RYR3: variants seen among roughly 807,000 people sequenced by gnomAD.
RYR3 encodes the protein brain ryanodine receptor-calcium release channel.
Under a neutral mutation model 584.3 loss-of-function variants are expected in RYR3, and 207 were observed. That is an observed-to-expected ratio of 0.35 (90% CI 0.32 to 0.40). The LOEUF (loss-of-function observed/expected upper bound fraction) is 0.40. Ranked by LOEUF, RYR3 falls within the 10% of genes least tolerant of loss-of-function variation. The pLI, the probability that RYR3 is intolerant of heterozygous loss-of-function variation, is 1.00. For synonymous variants in RYR3, 2,416 were observed against 2,248.5 expected, an observed-to-expected ratio of 1.07 and a Z score of -2.11; for missense variants, 5,616 against 6,089.2, an observed-to-expected ratio of 0.92 and a Z score of 2.59.
intron 10 of RYR3, among the ~76,000 whole-genome samples, chr15:33,552,394 G>T (rs538020513): frequency 6.6e-6 from 1 of 152,048 alleles, no homozygotes; most frequent in Non-Finnish European, 1.5e-5. Flanking sequence ...CCATTTCCAC[G>T]TATGGAGAAG....
At chr15:33,810,753 A>T in intron 71 of RYR3, 104 bp downstream of exon 71, 1 of 1,421,060 alleles carries the variant, frequency 7.0e-7, no homozygotes, top group Non-Finnish European at 9.7e-7. Context: ...GGCGGGGAGC[A>T]GATGCGCAGA....
At position 33,748,521 on chromosome 15, in the gene RYR3, A is replaced by G; in HGVS notation, c.8190A>G (p.Arg2730=). 6.2e-7 allele frequency: 1 copy of G among 1,612,730 alleles called. No individual in the cohort carries two copies. Among genetic ancestry groups the G allele is most frequent in the Non-Finnish European group, 8.5e-7 (1 of 1,179,428 alleles). ...ACCTCTCAAACGTTGTGCTCTCCAG[A>G]GAGCTCCAGGTCAGTGCCCCAGGTC... ...PLDLSNVVLS[R]ELQGMVEVVA... Residue 2730 remains arginine (R), a synonymous_variant, in exon 55 of 104, where the codon AGA becomes AGG. Coordinates refer to ENST00000634891, the MANE Select transcript of RYR3 (RefSeq NM_001036.6).
chr15:33,435,213 C>T (rs948597015), intron 1 of RYR3, among the ~76,000 whole-genome samples: 7 of 152,126 alleles, frequency 4.6e-5, no homozygotes, highest in Admixed American at 3.9e-4. Context: ...TTTCATCACC[C>T]AGGTATTAAG....
In RYR3 at chr15:33,821,331, C is replaced by T; in HGVS notation, c.10877C>T (p.Ala3626Val). The change falls in exon 79 of 104, where the codon GCT (alanine) becomes GTT (valine). Residue 3626 changes from alanine (A) to valine (V), a missense_variant. Transcript: ENST00000634891. ...YQQARLHERGAAEMVLQMISA... is the reference protein window; with the variant it reads ...YQQARLHERGVAEMVLQMISA... ...CAAGCTCGGCTGCATGAGCGTGGTG[C>T]TGCAGAGATGGTCCTTCAGATGATA... 1 of 1,605,034 alleles carries T rather than the reference C, an allele frequency of 6.2e-7. No homozygotes were observed. Among genetic ancestry groups the T allele is most frequent in the Non-Finnish European group, 8.5e-7 (1 of 1,175,848 alleles).
rs750352215 is a variant in RYR3, at chr15:33,835,066, C to T, written c.11562C>T (p.Leu3854=). ...TCTTTGCTAATATGCAGATGAAACT[C>T]TCTCAGGTACTGTGGCCCATTCCCT... The part of the protein sequence containing the change: ...LHVFANMQMK[L]SQDSSQIELL... The change falls in exon 87 of 104, where the codon CTC becomes CTT. Residue 3854 remains leucine (L), a synonymous_variant. Coordinates refer to ENST00000634891, the MANE Select transcript of RYR3 (RefSeq NM_001036.6). The T allele has an allele frequency of 1.2e-6, 2 of 1,611,246 alleles. No individual in the cohort carries two copies. Among genetic ancestry groups the T allele is most frequent in the Non-Finnish European group, 1.7e-6 (2 of 1,177,780 alleles).
intron 40 of RYR3, among the ~76,000 whole-genome samples, 156 bp downstream of exon 40, chr15:33,698,152 G>A (rs2065994901): frequency 6.6e-6 from 1 of 152,198 alleles, no homozygotes; most frequent in African/African-American, 2.4e-5. Flanking sequence ...CAAGCGATGG[G>A]ATAATGCTGC....
rs1165111382 is a variant in RYR3, at chr15:33,615,236, A to AGATCTGG, written c.2357+1866_2357+1872dup. 1.9e-4 allele frequency among the ~76,000 whole-genome samples: 29 copies of AGATCTGG among 152,290 alleles called. 1 individual carries two copies. In the South Asian group the frequency reaches 5.8e-3, roughly 31 times the overall value. ...GGAGAGTTGTGGGAAGCAGGAGCTG[A>AGATCTGG]GATCTGGGATCACAAAGAAACCATT... On this transcript the variant is annotated intron_variant, in intron 19 of 103. Transcript: ENST00000634891.
chr15:33,538,282 G>A lies in RYR3; in HGVS notation c.434-1068G>A, dbSNP rs78427269. On this transcript the variant is annotated intron_variant, in intron 5 of 103. Coordinates refer to ENST00000634891, the MANE Select transcript of RYR3 (RefSeq NM_001036.6). ...AGAAGCTGGCTGAGGCTTGTTGTCT[G>A]TTAAGCCTCACTTTTAGGTCATCTG... 6.0e-3 allele frequency among the ~76,000 whole-genome samples: 918 copies of A among 152,160 alleles called. 10 individuals are homozygous for A. The highest frequency in any genetic ancestry group is 0.021 in the African/African-American group (889 of 41,496).
chr15:33,669,846 G>GT lies in RYR3; in HGVS notation c.5722+390_5722+391insT. Among the ~76,000 whole-genome samples, 2 of 41,774 alleles carry GT rather than the reference G, an allele frequency of 4.8e-5. 1 individual carries two copies. The allele number at this position is 41,774 out of a possible 152,430, so 27.4% of individuals were successfully genotyped here. ...AGCTATTAGGGGTGTGTGTGTGTGG[G>GT]GGGGGGGGGGGGTGTGGGTGTGTGG... On this transcript the variant is annotated intron_variant, in intron 37 of 103. Coordinates refer to ENST00000634891, the MANE Select transcript of RYR3 (RefSeq NM_001036.6).
chr15:33,863,145 C>T (rs546610532), intron 102 of RYR3, among the ~76,000 whole-genome samples: 16 of 152,218 alleles, frequency 1.1e-4, no homozygotes, highest in Admixed American at 7.2e-4. Context: ...ATCTCTATCC[C>T]CTCTAGGAGC....
At chr15:33,766,292 A>AAAG (rs1446451745) in intron 60 of RYR3, among the ~76,000 whole-genome samples, 5 of 150,344 alleles carry the variant, frequency 3.3e-5, no homozygotes, top group Non-Finnish European at 7.4e-5. Flanking sequence ...CAAAAAGAAA[A>AAAG]AAAAAAAAAG....
chr15:33,693,774 G>A (rs1430841897), intron 38 of RYR3, among the ~76,000 whole-genome samples: 1 of 152,176 alleles, frequency 6.6e-6, no homozygotes, highest in Non-Finnish European at 1.5e-5. Context: ...TAGCAAGAAG[G>A]TCCTGGTGCT....
chr15:33,826,778 A>C, intron 84 of RYR3, 26 bp downstream of exon 84: 1 of 1,468,422 alleles, frequency 6.8e-7, no homozygotes, highest in Non-Finnish European at 9.1e-7. Flanking sequence ...TGATCTGCCA[A>C]GGAAACACAG....
intron 52 of RYR3, among the ~76,000 whole-genome samples, chr15:33,745,599 T>G (rs1332678259): frequency 6.6e-6 from 1 of 152,114 alleles, no homozygotes; most frequent in Non-Finnish European, 1.5e-5. Flanking sequence ...CCCTAAAAGT[T>G]CTTAAACTTC....
At chr15:33,408,671 C>G (rs946250392) in intron 1 of RYR3, among the ~76,000 whole-genome samples, 1 of 152,060 alleles carries the variant, frequency 6.6e-6, no homozygotes, top group Non-Finnish European at 1.5e-5. Context: ...GTTTTTTTGA[C>G]TTTTTAATAA....
chr15:33,402,329 A>AAC (rs2042734795), intron 1 of RYR3, among the ~76,000 whole-genome samples: 1 of 152,232 alleles, frequency 6.6e-6, no homozygotes, highest in Non-Finnish European at 1.5e-5. Flanking sequence ...AGCCATGAAT[A>AAC]ACACAGCTGA....
At chr15:33,504,691 A>G (rs529537496) in intron 3 of RYR3, among the ~76,000 whole-genome samples, 1 of 152,334 alleles carries the variant, frequency 6.6e-6, no homozygotes, top group African/African-American at 2.4e-5. Context: ...GCCCTTTAGG[A>G]GTTGGTGAGC....
At position 33,853,575 on chromosome 15, in the gene RYR3, T is replaced by G. The variant is rs780245333; in HGVS notation, c.13692T>G (p.Asp4564Glu). The G allele has an allele frequency of 1.2e-6, 2 of 1,613,652 alleles. No individual in the cohort carries two copies. The highest frequency in any genetic ancestry group is 1.7e-6 in the Non-Finnish European group (2 of 1,179,784). Residue 4564 changes from aspartate to glutamate, a missense_variant, in exon 96 of 104, where the codon GAT (aspartate) becomes GAG (glutamate). Asp to Glu is a conservative substitution (Grantham distance 45). Transcript: ENST00000634891. The part of the protein sequence containing the change: ...VKRKVINKYG[D>E]LYGAERIAEL... ...TTCAGGTGATCAACAAGTATGGAGA[T>G]CTCTACGGAGCAGAACGCATTGCTG...
intron 1 of RYR3, among the ~76,000 whole-genome samples, chr15:33,364,568 T>G (rs1975217923): frequency 6.6e-6 from 1 of 152,132 alleles, no homozygotes; most frequent in Non-Finnish European, 1.5e-5. Flanking sequence ...CTTCAAATAT[T>G]TGGGCCTGTA....
Sources: gnomAD v4.1 joint callset for allele counts (sites outside exome capture counted in the v4.1 genomes callset) on GRCh38, gnomAD v4.1.1 for gene constraint, MANE v1.5 for transcripts, NCBI Gene and HGNC (gene_info 2026-07-23, HGNC 2026-07-21) for gene names.